ASCC3: variants seen among roughly 807,000 people sequenced by gnomAD.
The protein encoded by ASCC3 is activating signal cointegrator 1 complex subunit 3.
Under a neutral mutation model 256.3 loss-of-function variants are expected in ASCC3, and 158 were observed. The ratio of observed to expected loss-of-function variants is 0.62; its 90% CI spans 0.54 to 0.70. ASCC3 has a LOEUF of 0.70. Among genes scored for constraint, ASCC3 ranks in the 30% least tolerant of loss-of-function variants. The pLI is 0.00. For missense variants in ASCC3, 2,259 were observed against 2,626.0 expected, an observed-to-expected ratio of 0.86 and a Z score of 3.05; for synonymous variants, 948 against 883.4, an observed-to-expected ratio of 1.07 and a Z score of -1.30.
intron 34 of ASCC3, among the ~76,000 whole-genome samples, chr6:100,590,458 A>G (rs1322525219): frequency 6.6e-6 from 1 of 152,142 alleles, no homozygotes; most frequent in Non-Finnish European, 1.5e-5. Flanking sequence ...GCAAAACCCC[A>G]TGGCCTCTAG....
chr6:100,597,801 T>G (rs1772375812), intron 34 of ASCC3, among the ~76,000 whole-genome samples: 1 of 78,014 alleles, frequency 1.3e-5, no homozygotes, highest in Non-Finnish European at 2.4e-5. Context: ...TGAAACCCCG[T>G]CTCTACTGAA....
At chr6:100,758,182 A>T (rs1219633975) in intron 10 of ASCC3, among the ~76,000 whole-genome samples, 3 of 152,232 alleles carry the variant, frequency 2.0e-5, no homozygotes, top group Non-Finnish European at 4.4e-5. Flanking sequence ...CGATACATAT[A>T]GCAGATGCTA....
chr6:100,511,196 T>A (rs542277866), intron 40 of ASCC3, among the ~76,000 whole-genome samples: 2 of 152,158 alleles, frequency 1.3e-5, no homozygotes, highest in African/African-American at 4.8e-5. Context: ...TCCCAACACT[T>A]TGGGAGGCCA....
intron 36 of ASCC3, among the ~76,000 whole-genome samples, chr6:100,568,409 T>C (rs531287560): frequency 1.3e-5 from 2 of 152,016 alleles, no homozygotes; most frequent in South Asian, 4.2e-4. Context: ...TGAGATAGTA[T>C]CTCATTGTGG....
At chr6:100,555,339 G>A (rs240777) in intron 36 of ASCC3, among the ~76,000 whole-genome samples, 11,236 of 152,226 alleles carry the variant, frequency 0.074, 613 homozygotes, top group African/African-American at 0.15. Context: ...CAGGGCTCAT[G>A]TGAATATATG....
In ASCC3 at chr6:100,718,257, T is replaced by A; in HGVS notation, c.1903-6A>T. On this transcript the variant is annotated splice_region_variant and splice_polypyrimidine_tract_variant and intron_variant, in intron 11 of 41. Coordinates refer to ENST00000369162, the MANE Select transcript of ASCC3 (RefSeq NM_006828.4). ...ATACTCTGTGTGGATTCCACCTATA[T>A]GGATTATTTTAATTAAATATGGGTT... The A allele has an allele frequency of 6.3e-7, 1 of 1,586,378 alleles. No homozygotes were observed. Among genetic ancestry groups the A allele is most frequent in the Non-Finnish European group, 8.6e-7 (1 of 1,164,520 alleles).
chr6:100,617,582 A>G (rs767330550), intron 30 of ASCC3, among the ~76,000 whole-genome samples: 1 of 152,096 alleles, frequency 6.6e-6, no homozygotes, highest in Non-Finnish European at 1.5e-5. Flanking sequence ...TTTGCTCCTC[A>G]GTCTATTCCA....
intron 4 of ASCC3, among the ~76,000 whole-genome samples, chr6:100,831,056 T>C (rs1771595433): frequency 1.3e-5 from 2 of 152,198 alleles, no homozygotes; most frequent in African/African-American, 4.8e-5. Context: ...AGGGTTTAGT[T>C]ATTCTTCTGT....
At chr6:100,578,778 T>C (rs897396838) in intron 36 of ASCC3, among the ~76,000 whole-genome samples, 4 of 152,150 alleles carry the variant, frequency 2.6e-5, no homozygotes, top group East Asian at 1.9e-4. Context: ...TTTGGGTATA[T>C]ACCCAATAAT....
chr6:100,605,857 T>C (rs1440592700), intron 32 of ASCC3, among the ~76,000 whole-genome samples, 157 bp from the exon 33 acceptor site: 1 of 152,050 alleles, frequency 6.6e-6, no homozygotes, highest in Non-Finnish European at 1.5e-5. Flanking sequence ...CTACGTTGAG[T>C]TCCCTAAATT....
intron 2 of ASCC3, among the ~76,000 whole-genome samples, chr6:100,866,581 G>T (rs1308405221): frequency 6.6e-6 from 1 of 152,182 alleles, no homozygotes; most frequent in African/African-American, 2.4e-5. Context: ...GGGCCTTAAA[G>T]GGGGTGATTA....
chr6:100,758,849 T>C (rs1402493718), intron 10 of ASCC3, among the ~76,000 whole-genome samples: 1 of 152,144 alleles, frequency 6.6e-6, no homozygotes, highest in Non-Finnish European at 1.5e-5. Context: ...ACTAATTTAA[T>C]TCCCACCAAC....
intron 10 of ASCC3, among the ~76,000 whole-genome samples, chr6:100,742,117 T>C (rs1161990456): frequency 6.6e-6 from 1 of 152,210 alleles, no homozygotes; most frequent in Non-Finnish European, 1.5e-5. Context: ...GCCACTCTTC[T>C]GTAGGACTGC....
intron 24 of ASCC3, among the ~76,000 whole-genome samples, chr6:100,639,890 G>A (rs1432333688): frequency 2.0e-5 from 3 of 152,116 alleles, no homozygotes; most frequent in Non-Finnish European, 2.9e-5. Context: ...CGAAGCGGAT[G>A]GATCACCTGA....
chr6:100,510,056 C>T lies in ASCC3; in HGVS notation c.6337G>A (p.Glu2113Lys), dbSNP rs201205349. 2.9e-5 allele frequency: 47 copies of T among 1,614,020 alleles called. No homozygotes were observed. Among genetic ancestry groups the T allele is most frequent in the South Asian group, 1.1e-5 (1 of 91,084 alleles). The change falls in exon 41 of 42, where the codon GAA (glutamate) becomes AAA (lysine). Residue 2113 changes from glutamate (E) to lysine (K), a missense_variant. Glu to Lys is a moderately conservative substitution (Grantham distance 56). This residue lies in a region of ASCC3 where 1,839 missense variants were observed against 2,206.7 expected (regional missense o/e 0.83). Transcript: ENST00000369162. Reference protein sequence around the residue: ...VTPRFPKSKDEGWFLILGEVD... With the variant: ...VTPRFPKSKDKGWFLILGEVD... ...TCTCCTAATATCAAAAACCATCCTTCGTCTTTTGATTTGGGAAATCGAGGA... is the reference window on the plus strand; with the variant it reads ...TCTCCTAATATCAAAAACCATCCTTTGTCTTTTGATTTGGGAAATCGAGGA...
chr6:100,594,185 A>G (rs144001196), intron 34 of ASCC3, among the ~76,000 whole-genome samples: 1 of 152,202 alleles, frequency 6.6e-6, no homozygotes, highest in East Asian at 1.9e-4. Context: ...TTCTTTACCT[A>G]TATATAACTA....
chr6:100,608,913 G>A (rs1425236951), intron 30 of ASCC3, among the ~76,000 whole-genome samples: 3 of 146,290 alleles, frequency 2.1e-5, no homozygotes, highest in African/African-American at 5.1e-5. Flanking sequence ...ACAGGTGCCC[G>A]CCAACATGCC....
At chr6:100,596,978 G>A (rs1437106258) in intron 34 of ASCC3, among the ~76,000 whole-genome samples, 1 of 152,054 alleles carries the variant, frequency 6.6e-6, no homozygotes, top group African/African-American at 2.4e-5. Flanking sequence ...TTTCCTTGTT[G>A]TTCCTTGAAT....
At chr6:100,520,122 A>G (rs1774229402) in intron 37 of ASCC3, among the ~76,000 whole-genome samples, 1 of 152,044 alleles carries the variant, frequency 6.6e-6, no homozygotes. Context: ...CTCCTGGAAA[A>G]TTCTAATTAT....
Sources: allele counts gnomAD v4.1 joint callset (sites outside exome capture counted in the v4.1 genomes callset), GRCh38; gene constraint gnomAD v4.1.1; regional missense constraint gnomAD v4.1.1; transcripts MANE v1.5; gene names NCBI Gene and HGNC (gene_info 2026-07-23, HGNC 2026-07-21).